Variants in ANKFN1 observed in about 807,000 individuals in gnomAD.
ANKFN1 encodes ankyrin repeat and fibronectin type-III domain-containing protein 1.
ANKFN1 carries 74 observed loss-of-function variants against 108.7 expected under a neutral mutation model. That is an observed-to-expected ratio of 0.68 (90% CI 0.56 to 0.83). The LOEUF is 0.83. Ranked by LOEUF, ANKFN1 falls within the 40% of genes least tolerant of loss-of-function variation. ANKFN1 has a pLI of 0.00. For missense variants in ANKFN1, 1,505 were observed against 1,382.3 expected (o/e 1.09, Z -1.41); for synonymous variants, 547 against 516.2 (o/e 1.06, Z -0.81).
chr17:56,433,579 G>T (rs1022586722), intron 8 of ANKFN1, among the ~76,000 whole-genome samples: 8 of 152,040 alleles, frequency 5.3e-5, no homozygotes, highest in Non-Finnish European at 1.0e-4. Context: ...CTCAGAAATG[G>T]AAAAACCAAA....
At chr17:56,067,714 G>A (rs2143128178) in intron 4 of ANKFN1, among the ~76,000 whole-genome samples, 1 of 152,320 alleles carries the variant, frequency 6.6e-6, no homozygotes, top group Non-Finnish European at 1.5e-5. Flanking sequence ...AGCTTTTGAA[G>A]TAATTTGATT....
At chr17:56,259,285 C>G (rs2144110078) in intron 3 of ANKFN1, among the ~76,000 whole-genome samples, 1 of 152,292 alleles carries the variant, frequency 6.6e-6, no homozygotes, top group South Asian at 2.1e-4. Flanking sequence ...TTTACAAACT[C>G]TGTAATATTG....
chr17:56,361,539 C>T, intron 6 of ANKFN1, among the ~76,000 whole-genome samples: 1 of 152,024 alleles, frequency 6.6e-6, no homozygotes, highest in East Asian at 1.9e-4. Context: ...CTCTCTGTGG[C>T]CCCATTTCTT....
intron 7 of ANKFN1, 99 bp from the exon 8 acceptor site, chr17:56,374,502 T>C: frequency 1.2e-6 from 1 of 857,812 alleles, no homozygotes; most frequent in Admixed American, 2.3e-5. Context: ...AACAAATGTT[T>C]CCATAGTATT....
intron 1 of ANKFN1, among the ~76,000 whole-genome samples, chr17:56,193,533 A>G (rs972033945): frequency 6.6e-6 from 1 of 151,868 alleles, no homozygotes. Flanking sequence ...TTTAAAAAAA[A>G]ATACAGCTAG....
At chr17:56,359,030 G>C (rs2046445691) in intron 6 of ANKFN1, among the ~76,000 whole-genome samples, 1 of 152,134 alleles carries the variant, frequency 6.6e-6, no homozygotes, top group Non-Finnish European at 1.5e-5. Context: ...AAAGAAACCA[G>C]CTCTTTTGCC....
intron 5 of ANKFN1, among the ~76,000 whole-genome samples, chr17:56,353,468 C>T (rs1243803999): frequency 1.3e-5 from 2 of 152,116 alleles, no homozygotes; most frequent in African/African-American, 4.8e-5. Flanking sequence ...AACTCCTCGC[C>T]TCAAGTGATC....
intron 8 of ANKFN1, among the ~76,000 whole-genome samples, chr17:56,438,125 T>C (rs1306392202): frequency 6.6e-6 from 1 of 152,162 alleles, no homozygotes; most frequent in Non-Finnish European, 1.5e-5. Context: ...AAGTTTCTCA[T>C]GCTCAAGAGA....
At chr17:56,303,713 C>T (rs2044736075) in intron 3 of ANKFN1, among the ~76,000 whole-genome samples, 1 of 152,018 alleles carries the variant, frequency 6.6e-6, no homozygotes, top group Non-Finnish European at 1.5e-5. Context: ...GAGATGGAGT[C>T]TCACTCTGTC....
chr17:56,382,933 T>A (rs1017462500), intron 8 of ANKFN1, among the ~76,000 whole-genome samples: 1 of 152,078 alleles, frequency 6.6e-6, no homozygotes. Context: ...GACAGGAAGT[T>A]AACAAGGATA....
At chr17:56,098,799 A>G (rs1246306641) in intron 4 of ANKFN1, among the ~76,000 whole-genome samples, 1 of 152,102 alleles carries the variant, frequency 6.6e-6, no homozygotes, top group Non-Finnish European at 1.5e-5. Context: ...AGTAGCAATA[A>G]ATACATTTAT....
chr17:56,085,299 A>G (rs1305557538), intron 4 of ANKFN1, among the ~76,000 whole-genome samples: 1 of 150,356 alleles, frequency 6.7e-6, no homozygotes, highest in Non-Finnish European at 1.5e-5. Context: ...GTGATCGTAG[A>G]TTACCAGGTG....
intron 4 of ANKFN1, among the ~76,000 whole-genome samples, chr17:56,336,598 T>A (rs1463940321): frequency 2.6e-5 from 4 of 152,204 alleles, no homozygotes; most frequent in Non-Finnish European, 5.9e-5. Context: ...ATCTATTTGA[T>A]TCTTCTCTCT....
At chr17:56,292,904 A>T (rs7209382) in intron 3 of ANKFN1, among the ~76,000 whole-genome samples, 6,006 of 152,268 alleles carry the variant, frequency 0.039, 380 homozygotes, top group African/African-American at 0.14. Flanking sequence ...CATTATAATT[A>T]CAATGTCTTT....
At chr17:56,185,284 T>C (rs1912080922) in intron 1 of ANKFN1, among the ~76,000 whole-genome samples, 1 of 152,208 alleles carries the variant, frequency 6.6e-6, no homozygotes, top group Admixed American at 6.5e-5. Context: ...TATCCATTCA[T>C]GTATTTGTTC....
At chr17:56,176,108 TG>T (rs1911127718) in intron 1 of ANKFN1, among the ~76,000 whole-genome samples, 1 of 152,004 alleles carries the variant, frequency 6.6e-6, no homozygotes, top group African/African-American at 2.4e-5. Context: ...GTGAGTCCAC[TG>T]GGGGGCTCCA....
intron 3 of ANKFN1, among the ~76,000 whole-genome samples, chr17:56,270,071 T>C (rs1293428573): frequency 1.3e-5 from 2 of 152,234 alleles, no homozygotes; most frequent in Admixed American, 1.3e-4. Flanking sequence ...TTTTTATTTC[T>C]TGTTTGTTTT....
chr17:56,492,424 A>G, intron 19 of ANKFN1, 71 bp downstream of exon 19: 1 of 677,830 alleles, frequency 1.5e-6, no homozygotes, highest in Non-Finnish European at 2.7e-6. Flanking sequence ...AAAGCCAAGC[A>G]TGGGAAAGGA....
chr17:56,253,592 G>A (rs758190794), intron 3 of ANKFN1, among the ~76,000 whole-genome samples: 10 of 152,106 alleles, frequency 6.6e-5, no homozygotes, highest in Non-Finnish European at 1.5e-4. Flanking sequence ...ACAAAAATTA[G>A]CAGGGCATGG....
Sources: gnomAD v4.1 joint callset for allele counts (sites outside exome capture counted in the v4.1 genomes callset) on GRCh38, gnomAD v4.1.1 for gene constraint, MANE v1.5 for transcripts, NCBI Gene and HGNC (gene_info 2026-07-23, HGNC 2026-07-21) for gene names.